The following KCNQ1 variants were observed in gnomAD, a reference collection of about 807,000 sequenced individuals.
The protein encoded by KCNQ1 is potassium voltage-gated channel subfamily KQT member 1.
KCNQ1 carries 49 observed loss-of-function variants against 72.4 expected under a neutral mutation model. The ratio of observed to expected loss-of-function variants is 0.68; its 90% CI spans 0.54 to 0.86. KCNQ1 has a LOEUF of 0.86. Ranked by LOEUF, KCNQ1 falls within the 40% of genes least tolerant of loss-of-function variation. The probability of loss-of-function intolerance (pLI) is 0.00; values close to 1 mark genes in which losing one functional copy is unlikely to be tolerated. For missense variants in KCNQ1, 790 were observed against 945.1 expected (o/e 0.84, Z 2.15); for synonymous variants, 450 against 412.6 (o/e 1.09, Z -1.10).
intron 10 of KCNQ1, chr11:2,643,514 C>T (rs943272389): frequency 1.3e-5 from 5 of 398,286 alleles, no homozygotes; most frequent in African/African-American, 1.0e-4. Context: ...AATATCTTTT[C>T]CCATTCCTTT....
chr11:2,829,538 C>T (rs1440006202), intron 15 of KCNQ1, among the ~76,000 whole-genome samples: 1 of 152,198 alleles, frequency 6.6e-6, no homozygotes, highest in Non-Finnish European at 1.5e-5. Context: ...GAGTTATATA[C>T]TGTTTGTGTA....
chr11:2,647,037 T>G lies in KCNQ1; in HGVS notation c.1394-14924T>G. The G allele has an allele frequency of 2.5e-6, 1 of 398,630 alleles. No homozygotes were observed. Among genetic ancestry groups the G allele is most frequent in the Non-Finnish European group, 4.4e-6 (1 of 226,060 alleles). The allele number at this position is 398,630 out of a possible 1,614,324, so 24.7% of individuals were successfully genotyped here. A position where few individuals can be genotyped will look rare whatever the true frequency, so the allele number is the denominator to read the frequency against. On this transcript the variant is annotated intron_variant, in intron 10 of 15. Coordinates refer to ENST00000155840, the MANE Select transcript of KCNQ1 (RefSeq NM_000218.3). This position sits in a 1 kb window ranked among gnomAD's most constrained non-coding sequence, Gnocchi z 4.0. ...TTCTTACTCTGCTGAATAAGAATAG[T>G]GAAAGTGGGCATCCTTGTCTTGTTC...
Position 2,612,002 on chromosome 11 carries a change from G to C in KCNQ1, c.1393+23148G>C. On this transcript the variant is annotated intron_variant, in intron 10 of 15. Coordinates refer to ENST00000155840, the MANE Select transcript of KCNQ1 (RefSeq NM_000218.3). The surrounding 1 kb of genome is among the most constrained non-coding windows in gnomAD (Gnocchi z 5.5). ...TCTCAGTACTCTTATTAACACATATGTTGTTACTCCTTAATTCCACATATG... is the reference window on the plus strand; with the variant it reads ...TCTCAGTACTCTTATTAACACATATCTTGTTACTCCTTAATTCCACATATG... The C allele has an allele frequency of 2.5e-6, 1 of 398,598 alleles. No individual in the cohort carries two copies. Among genetic ancestry groups the C allele is most frequent in the East Asian group, 3.6e-5 (1 of 28,082 alleles). 24.7% of individuals were successfully genotyped at this position (398,598 alleles called of 1,614,324 possible).
chr11:2,671,895 G>T lies in KCNQ1; in HGVS notation c.1514+9814G>T, dbSNP rs1328715546. ...GAGAGGAGGTGGGCAGCACCAGGCA[G>T]CCAGCCTGTGGGCCCCGCTATGCTT... On this transcript the variant is annotated intron_variant, in intron 11 of 15. Transcript: ENST00000155840. This position sits in a 1 kb window ranked among gnomAD's most constrained non-coding sequence, Gnocchi z 4.7. The T allele has an allele frequency of 5.0e-6, 2 of 398,596 alleles. No individual in the cohort carries two copies. Among genetic ancestry groups the T allele is most frequent in the African/African-American group, 4.1e-5 (2 of 48,632 alleles). 24.7% of individuals were successfully genotyped at this position (398,596 alleles called of 1,614,324 possible).
rs890850039 is a variant in KCNQ1, at chr11:2,451,969, C to T, written c.386+6485C>T. 2.6e-5 allele frequency among the ~76,000 whole-genome samples: 4 copies of T among 152,138 alleles called. No individual in the cohort carries two copies. The highest frequency in any genetic ancestry group is 5.9e-5 in the Non-Finnish European group (4 of 68,020). ...CCCAGTTTGTATCCATGGGCACCCC[C>T]ACTCCCACCTAGCACTTGCCACCAG... On this transcript the variant is annotated intron_variant, in intron 1 of 15. Coordinates refer to ENST00000155840, the MANE Select transcript of KCNQ1 (RefSeq NM_000218.3). This position sits in a 1 kb window ranked among gnomAD's most constrained non-coding sequence, Gnocchi z 6.4.
intron 1 of KCNQ1, among the ~76,000 whole-genome samples, chr11:2,489,264 A>G (rs943396469): frequency 6.6e-6 from 1 of 152,136 alleles, no homozygotes; most frequent in Non-Finnish European, 1.5e-5. Flanking sequence ...GTGCTTTGGG[A>G]CTGTCCATCG....
rs1454560479 is a variant in KCNQ1, at chr11:2,566,981, G to C, written c.478-3647G>C. ...GAAGGGTGGGGTAACCTAGGGGGTG[G>C]AGTGGGGGAGGGAGAGAGCACTCCT... is the stretch of plus-strand genomic sequence containing the variant. On this transcript the variant is annotated intron_variant, in intron 2 of 15. Transcript: ENST00000155840. The surrounding 1 kb of genome is among the most constrained non-coding windows in gnomAD (Gnocchi z 6.7). Among the ~76,000 whole-genome samples the C allele has an allele frequency of 6.6e-6, 1 of 150,930 alleles. No homozygotes were observed. The highest frequency in any genetic ancestry group is 1.5e-5 in the Non-Finnish European group (1 of 67,618).
In KCNQ1 at chr11:2,767,160, C is replaced by T. The variant is rs532995418; in HGVS notation, c.1515-1684C>T. Among the ~76,000 whole-genome samples the T allele has an allele frequency of 3.3e-5, 5 of 149,440 alleles. No individual in the cohort carries two copies. The highest frequency in any genetic ancestry group is 1.2e-4 in the African/African-American group (5 of 40,364). ...TCCAGCCTGGCAATAGAGCGAGACTCCATCTATATGTGTGTGTGTGTGTGT... is the reference window on the plus strand; with the variant it reads ...TCCAGCCTGGCAATAGAGCGAGACTTCATCTATATGTGTGTGTGTGTGTGT... On this transcript the variant is annotated intron_variant, in intron 11 of 15. Transcript: ENST00000155840. This position sits in a 1 kb window ranked among gnomAD's most constrained non-coding sequence, Gnocchi z 4.6.
rs892513478 is a variant in KCNQ1, at chr11:2,579,108, G to A, written c.922-4327G>A. On this transcript the variant is annotated intron_variant, in intron 6 of 15. Coordinates refer to ENST00000155840, the MANE Select transcript of KCNQ1 (RefSeq NM_000218.3). The surrounding 1 kb of genome is among the most constrained non-coding windows in gnomAD (Gnocchi z 6.0). ...GCAAATGACTACCACGTTTCCAGCCGGGGCCAGTGAGCTCTGGGAGCCAGG... is the reference window on the plus strand; with the variant it reads ...GCAAATGACTACCACGTTTCCAGCCAGGGCCAGTGAGCTCTGGGAGCCAGG... 2.0e-5 allele frequency among the ~76,000 whole-genome samples: 3 copies of A among 152,316 alleles called. No individual in the cohort carries two copies. Among genetic ancestry groups the A allele is most frequent in the African/African-American group, 4.8e-5 (2 of 41,564 alleles).
intron 13 of KCNQ1, among the ~76,000 whole-genome samples, chr11:2,776,275 G>A (rs950103877): frequency 1.3e-5 from 2 of 152,162 alleles, no homozygotes; most frequent in South Asian, 2.1e-4. Context: ...CTTGTTCCCC[G>A]CCCGGATCTG....
intron 11 of KCNQ1, among the ~76,000 whole-genome samples, chr11:2,726,217 A>G (rs1477447732): frequency 6.6e-6 from 1 of 152,362 alleles, no homozygotes; most frequent in Admixed American, 6.5e-5. Flanking sequence ...GCAGTGGCCC[A>G]GAGAAGCTGA....
chr11:2,769,874 C>A lies in KCNQ1; in HGVS notation c.1590+955C>A, dbSNP rs542144446. ...AGCCTCACCAGTCATAAGGCACAGC[C>A]CAGGAAGGCTCAGCAATGTCCGCCG... On this transcript the variant is annotated intron_variant, in intron 12 of 15. Coordinates refer to ENST00000155840, the MANE Select transcript of KCNQ1 (RefSeq NM_000218.3). This position sits in a 1 kb window ranked among gnomAD's most constrained non-coding sequence, Gnocchi z 4.6. Among the ~76,000 whole-genome samples the A allele has an allele frequency of 2.6e-5, 4 of 152,064 alleles. No homozygotes were observed. In the East Asian group the frequency reaches 7.7e-4, roughly 29 times the overall value.
chr11:2,496,495 C>CTTGTTTT (rs1846920603), intron 1 of KCNQ1, among the ~76,000 whole-genome samples: 1 of 29,830 alleles, frequency 3.4e-5, no homozygotes, highest in Non-Finnish European at 6.2e-5. Flanking sequence ...ACAACCCCTG[C>CTTGTTTT]TTTTTTTTTT....
chr11:2,540,403 C>T (rs942892525), intron 2 of KCNQ1, among the ~76,000 whole-genome samples: 1 of 152,232 alleles, frequency 6.6e-6, no homozygotes, highest in Non-Finnish European at 1.5e-5. Flanking sequence ...AGCCACGGCT[C>T]GAGCACCTCG....
At chr11:2,499,555 T>C (rs2133641002) in intron 1 of KCNQ1, among the ~76,000 whole-genome samples, 1 of 147,118 alleles carries the variant, frequency 6.8e-6, no homozygotes, top group Admixed American at 6.8e-5. Context: ...CAATTATCTG[T>C]TGCTTACAAG....
rs1846224804 is a variant in KCNQ1 at position 2,458,320 on chromosome 11, C to A, written c.386+12836C>A. On this transcript the variant is annotated intron_variant, in intron 1 of 15. Transcript: ENST00000155840. This position sits in a 1 kb window ranked among gnomAD's most constrained non-coding sequence, Gnocchi z 4.6. ...CTTTGATTTGCATTTCTCTAAAGAT[C>A]TGTGGAGGTCAATAGGGAGACCGCT... is the stretch of plus-strand genomic sequence containing the variant. Among the ~76,000 whole-genome samples, 1 of 152,212 alleles carries A rather than the reference C, an allele frequency of 6.6e-6. No individual in the cohort carries two copies. Among genetic ancestry groups the A allele is most frequent in the African/African-American group, 2.4e-5 (1 of 41,458 alleles).
At chr11:2,573,136 G>T in intron 6 of KCNQ1, 150 bp downstream of exon 6, 1 of 961,136 alleles carries the variant, frequency 1.0e-6, no homozygotes, top group East Asian at 2.6e-5. Context: ...ACCTGTGCTT[G>T]GAGCCGCTGG....
At chr11:2,696,082 A>C (rs4930148) in intron 11 of KCNQ1, 1 of 398,464 alleles carries the variant, frequency 2.5e-6, no homozygotes. Context: ...GCCATGATGG[A>C]TTTATTTAAC....
Position 2,549,056 on chromosome 11 carries a change from AGGGT to A in KCNQ1, c.477+21043_477+21046del, listed in dbSNP as rs1215097878. ...TTTCTTCATCCCAGGGGCTGTCTCC[AGGGT>A]GGGTTCTAGAGTACATCCAGCTTCC... On this transcript the variant is annotated intron_variant, in intron 2 of 15. Coordinates refer to ENST00000155840, the MANE Select transcript of KCNQ1 (RefSeq NM_000218.3). The surrounding 1 kb of genome is among the most constrained non-coding windows in gnomAD (Gnocchi z 6.2). 6.6e-6 allele frequency among the ~76,000 whole-genome samples: 1 copy of A among 152,150 alleles called. No homozygotes were observed. The highest frequency in any genetic ancestry group is 1.5e-5 in the Non-Finnish European group (1 of 68,010).
Sources: gnomAD v4.1 joint callset for allele counts (sites outside exome capture counted in the v4.1 genomes callset) on GRCh38, gnomAD v4.1.1 for gene constraint, Gnocchi (gnomAD v3.1) non-coding constraint, MANE v1.5 for transcripts, NCBI Gene and HGNC (gene_info 2026-07-23, HGNC 2026-07-21) for gene names.